LRP1B: variants seen among roughly 807,000 people sequenced by gnomAD.
LRP1B encodes the protein low-density lipoprotein receptor-related protein 1B.
In LRP1B, 217 loss-of-function variants were observed where a neutral mutation model predicts 556.6. The observed-to-expected ratio is 0.39, with a 90% CI of 0.35 to 0.44. The LOEUF (loss-of-function observed/expected upper bound fraction) is 0.44, where lower values mean the gene tolerates loss of function less well. Among genes scored for constraint, LRP1B ranks in the 20% least tolerant of loss-of-function variants. LRP1B has a pLI of 1.00. For missense variants in LRP1B, 5,053 were observed against 5,620.8 expected, an observed-to-expected ratio of 0.90 and a Z score of 3.23; for synonymous variants, 2,047 against 1,865.8, an observed-to-expected ratio of 1.10 and a Z score of -2.50.
chr2:140,524,264 A>G (rs72617079), intron 49 of LRP1B, among the ~76,000 whole-genome samples: 33,217 of 151,888 alleles, frequency 0.22, 4,508 homozygotes, highest in East Asian at 0.59. Flanking sequence ...GCAAATCAAA[A>G]CCACGAGGTA....
At chr2:141,915,832 T>C (rs964891679) in intron 1 of LRP1B, among the ~76,000 whole-genome samples, 1 of 152,122 alleles carries the variant, frequency 6.6e-6, no homozygotes, top group Non-Finnish European at 1.5e-5. Flanking sequence ...TAAAAAATGC[T>C]CAACATCACT....
intron 3 of LRP1B, among the ~76,000 whole-genome samples, chr2:141,379,796 C>T (rs1268524471): frequency 6.6e-6 from 1 of 152,076 alleles, no homozygotes; most frequent in African/African-American, 2.4e-5. Flanking sequence ...ACATGAGTAC[C>T]TGCCACAGCT....
At chr2:141,947,647 A>C (rs540007023) in intron 1 of LRP1B, among the ~76,000 whole-genome samples, 1 of 152,166 alleles carries the variant, frequency 6.6e-6, no homozygotes, top group East Asian at 1.9e-4. Flanking sequence ...GTACATACTT[A>C]ATTCTCTTTA....
chr2:140,678,419 T>C (rs1180978383), intron 41 of LRP1B, among the ~76,000 whole-genome samples: 1 of 152,208 alleles, frequency 6.6e-6, no homozygotes, highest in African/African-American at 2.4e-5. Flanking sequence ...TAGGTTGTAG[T>C]TTTCATTTCT....
At chr2:141,185,134 T>C (rs1390163416) in intron 7 of LRP1B, among the ~76,000 whole-genome samples, 1 of 152,116 alleles carries the variant, frequency 6.6e-6, no homozygotes. Flanking sequence ...GTTAAGGTTC[T>C]TTATGTATTT....
chr2:140,258,046 C>A (rs1199188629), intron 86 of LRP1B, among the ~76,000 whole-genome samples: 2 of 152,098 alleles, frequency 1.3e-5, no homozygotes, highest in African/African-American at 4.8e-5. Flanking sequence ...AGGAATAATT[C>A]CTACCTTTCT....
At chr2:141,246,111 A>G (rs865998770) in intron 5 of LRP1B, among the ~76,000 whole-genome samples, 5 of 152,228 alleles carry the variant, frequency 3.3e-5, no homozygotes, top group Non-Finnish European at 7.3e-5. Flanking sequence ...AAACTGGGAA[A>G]TTATATAGTG....
chr2:140,502,913 T>C, intron 54 of LRP1B, 50 bp downstream of exon 54: 2 of 1,584,024 alleles, frequency 1.3e-6, no homozygotes, highest in Non-Finnish European at 1.7e-6. Context: ...TCACAATTTT[T>C]CCATTGAAAA....
intron 1 of LRP1B, among the ~76,000 whole-genome samples, chr2:142,009,797 T>C (rs1009972026): frequency 2.0e-5 from 3 of 152,136 alleles, no homozygotes; most frequent in Admixed American, 6.6e-5. Context: ...CTTCTCTATA[T>C]ATTGTATATA....
intron 6 of LRP1B, among the ~76,000 whole-genome samples, chr2:141,190,596 C>T (rs1272616453): frequency 6.6e-6 from 1 of 151,850 alleles, no homozygotes; most frequent in African/African-American, 2.4e-5. Context: ...ATTAAAATAC[C>T]TATAAATACC....
At chr2:140,979,993 T>C (rs1287726633) in intron 18 of LRP1B, among the ~76,000 whole-genome samples, 1 of 152,078 alleles carries the variant, frequency 6.6e-6, no homozygotes, top group East Asian at 1.9e-4. Context: ...ATATACAAGT[T>C]TGCTGGTATA....
At chr2:141,562,760 T>C (rs1207076428) in intron 2 of LRP1B, among the ~76,000 whole-genome samples, 1 of 151,986 alleles carries the variant, frequency 6.6e-6, no homozygotes, top group Non-Finnish European at 1.5e-5. Flanking sequence ...AAAATGAATT[T>C]CAAATATTCG....
At chr2:140,372,721 T>A (rs16843862) in intron 69 of LRP1B, among the ~76,000 whole-genome samples, 13,308 of 152,142 alleles carry the variant, frequency 0.087, 659 homozygotes, top group Middle Eastern at 0.14. Context: ...TACTTTCCTA[T>A]CTTGGGGAAA....
At chr2:141,044,905 C>G (rs1367082996) in intron 11 of LRP1B, among the ~76,000 whole-genome samples, 1 of 151,356 alleles carries the variant, frequency 6.6e-6, no homozygotes, top group East Asian at 2.0e-4. Flanking sequence ...TTTGACCCAG[C>G]CATCCCATTA....
intron 2 of LRP1B, among the ~76,000 whole-genome samples, chr2:141,501,756 T>C (rs1212177943): frequency 1.3e-5 from 2 of 152,106 alleles, no homozygotes; most frequent in South Asian, 2.1e-4. Flanking sequence ...GAGATTGACA[T>C]AGAAAGTTAC....
At chr2:140,442,357 T>A in intron 66 of LRP1B, 147 bp downstream of exon 66, 1 of 1,025,500 alleles carries the variant, frequency 9.8e-7, no homozygotes, top group East Asian at 2.8e-5. Flanking sequence ...CTAACCTAAG[T>A]TTTTATGAAT....
At chr2:141,823,394 A>C (rs1696817969) in intron 1 of LRP1B, among the ~76,000 whole-genome samples, 1 of 152,084 alleles carries the variant, frequency 6.6e-6, no homozygotes, top group African/African-American at 2.4e-5. Context: ...AGTGCTCAAC[A>C]TCTGGGTCTT....
chr2:140,289,591 CTTA>C (rs897184887), intron 84 of LRP1B, among the ~76,000 whole-genome samples: 22 of 150,646 alleles, frequency 1.5e-4, no homozygotes, highest in African/African-American at 5.1e-4. Context: ...TTATTTTCCT[CTTA>C]TTATTTTTAC....
intron 3 of LRP1B, among the ~76,000 whole-genome samples, chr2:141,371,118 G>C (rs1156828852): frequency 2.6e-5 from 4 of 151,974 alleles, no homozygotes; most frequent in African/African-American, 9.7e-5. Context: ...TGAGTAGCTG[G>C]GATTACAGGC....
Sources: gnomAD v4.1 joint callset for allele counts (sites outside exome capture counted in the v4.1 genomes callset) on GRCh38, gnomAD v4.1.1 for gene constraint, MANE v1.5 for transcripts, NCBI Gene and HGNC (gene_info 2026-07-23, HGNC 2026-07-21) for gene names.